SCARA5: variants seen among roughly 807,000 people sequenced by gnomAD.
The protein encoded by SCARA5 is scavenger receptor class A, member 5 (putative).
A neutral mutation model predicts 46.3 loss-of-function variants in SCARA5; 45 were observed. That is an observed-to-expected ratio of 0.97 (90% confidence interval 0.76 to 1.24). The LOEUF is 1.24. Ranked by LOEUF, SCARA5 falls within the 50% of genes most tolerant of loss-of-function variation. The pLI, the probability that SCARA5 is intolerant of heterozygous loss-of-function variation, is 0.00. For missense variants in SCARA5, 680 were observed against 689.0 expected (o/e 0.99, Z 0.15); for synonymous variants, 333 against 306.5 (o/e 1.09, Z -0.90).
intron 8 of SCARA5, among the ~76,000 whole-genome samples, chr8:27,878,145 G>T (rs1806754561): frequency 6.6e-6 from 1 of 152,178 alleles, no homozygotes; most frequent in Non-Finnish European, 1.5e-5. Flanking sequence ...GGTCACCAGG[G>T]GGCCTGGTAA....
chr8:27,959,616 T>C (rs1335587987), intron 3 of SCARA5, among the ~76,000 whole-genome samples: 1 of 152,220 alleles, frequency 6.6e-6, no homozygotes, highest in Non-Finnish European at 1.5e-5. Flanking sequence ...TGGGTTCACT[T>C]TCCTTGGTGT....
intron 7 of SCARA5, among the ~76,000 whole-genome samples, chr8:27,891,649 G>A (rs550101486): frequency 4.7e-4 from 72 of 152,214 alleles, no homozygotes; most frequent in Non-Finnish European, 8.8e-4. Flanking sequence ...CCTGTCCCCC[G>A]TGGGATGCAG....
In SCARA5 at chr8:27,966,538, T is replaced by C. The variant is rs1808372216; in HGVS notation, c.117A>G (p.Pro39=). ...LSKLNLCEDG[P]CHKRRASICC... The stretch of plus-strand genomic sequence containing the variant: ...AGATGCTTGCCCGCCGTTTGTGACA[T>C]GGACCTGGACAATAAGGGTAAGAGG... The change falls in exon 3 of 9, where the codon CCA becomes CCG. Residue 39 remains proline (P), a synonymous_variant. Transcript: ENST00000354914. The C allele has an allele frequency of 6.2e-7, 1 of 1,607,902 alleles. No individual in the cohort carries two copies. The highest frequency in any genetic ancestry group is 8.5e-7 in the Non-Finnish European group (1 of 1,178,362).
intron 2 of SCARA5, among the ~76,000 whole-genome samples, chr8:27,972,180 G>A (rs1808456272): frequency 6.6e-6 from 1 of 151,992 alleles, no homozygotes; most frequent in African/African-American, 2.4e-5. Flanking sequence ...AGCTGGGCAT[G>A]GCGGCAGGCA....
Position 27,901,870 on chromosome 8 carries a change from G to A in SCARA5, c.1153+2908C>T, listed in dbSNP as rs553841582. The stretch of plus-strand genomic sequence containing the variant: ...CCCATCCCAGGGTCAGGAAGTCAGC[G>A]GCTGGGGATTTTGTTCAGCCTCAGC... On this transcript the variant is annotated intron_variant, in intron 7 of 8. Transcript: ENST00000354914. Among the ~76,000 whole-genome samples, 9 of 152,308 alleles carry A rather than the reference G, an allele frequency of 5.9e-5. No homozygotes were observed. The East Asian group carries it at 7.7e-4, about 13-fold the overall frequency.
chr8:27,908,551 G>A (rs1469287698), intron 5 of SCARA5, among the ~76,000 whole-genome samples: 1 of 152,184 alleles, frequency 6.6e-6, no homozygotes, highest in Non-Finnish European at 1.5e-5. Flanking sequence ...TCCCAGTAAT[G>A]AATTACTCCT....
chr8:27,888,805 C>A (rs1262095180), intron 7 of SCARA5, among the ~76,000 whole-genome samples: 1 of 152,190 alleles, frequency 6.6e-6, no homozygotes, highest in Non-Finnish European at 1.5e-5. Flanking sequence ...AAGCCCAGAC[C>A]AGAGCATCCC....
chr8:27,933,801 TA>T (rs1807814249), intron 3 of SCARA5, among the ~76,000 whole-genome samples: 1 of 152,152 alleles, frequency 6.6e-6, no homozygotes. Context: ...ATGGGTAAAT[TA>T]AATGTGTCCC....
At chr8:27,964,328 G>A (rs181637262) in intron 3 of SCARA5, among the ~76,000 whole-genome samples, 9 of 152,204 alleles carry the variant, frequency 5.9e-5, no homozygotes, top group East Asian at 5.8e-4. Flanking sequence ...CACCAGCTCC[G>A]TCCCAATCCA....
intron 1 of SCARA5, among the ~76,000 whole-genome samples, chr8:27,991,203 G>A (rs559801276): frequency 6.6e-6 from 1 of 152,216 alleles, no homozygotes; most frequent in Non-Finnish European, 1.5e-5. Context: ...TCTAAGATGG[G>A]AAGGTGGGTA....
At chr8:27,913,093 C>T (rs1427299110) in intron 4 of SCARA5, among the ~76,000 whole-genome samples, 4 of 152,210 alleles carry the variant, frequency 2.6e-5, no homozygotes, top group East Asian at 1.9e-4. Context: ...GTATTCCAAG[C>T]GCACCTGAAA....
At chr8:27,986,753 A>T (rs1158365619) in intron 2 of SCARA5, among the ~76,000 whole-genome samples, 1 of 152,228 alleles carries the variant, frequency 6.6e-6, no homozygotes, top group Non-Finnish European at 1.5e-5. Flanking sequence ...GAGCAAAACA[A>T]GAGAGGAAAA....
intron 3 of SCARA5, among the ~76,000 whole-genome samples, chr8:27,958,550 C>T (rs992078787): frequency 3.9e-5 from 6 of 152,214 alleles, no homozygotes; most frequent in African/African-American, 1.4e-4. Context: ...GAACTGCACG[C>T]GTGGCAGCAG....
chr8:27,892,606 C>CTTTTTTTTTTTT (rs1230257718), intron 7 of SCARA5, among the ~76,000 whole-genome samples: 2 of 127,034 alleles, frequency 1.6e-5, no homozygotes, highest in Non-Finnish European at 1.6e-5. Flanking sequence ...ATACCTCACC[C>CTTTTTTTTTTTT]TTTTTTTTTT....
At chr8:27,991,449 T>A (rs1808784705) in intron 1 of SCARA5, among the ~76,000 whole-genome samples, 1 of 152,148 alleles carries the variant, frequency 6.6e-6, no homozygotes, top group African/African-American at 2.4e-5. Flanking sequence ...TAAAAGGCAA[T>A]CGCGAATGCA....
intron 1 of SCARA5, among the ~76,000 whole-genome samples, chr8:27,991,887 ACATGCACACACACACATGCACACACACG>A (rs1249144167): frequency 4.6e-5 from 7 of 151,856 alleles, no homozygotes; most frequent in African/African-American, 1.5e-4. Flanking sequence ...GCACACACAC[ACATGCACACACACACATGCACACACACG>A]AAGCCATGGA....
intron 2 of SCARA5, among the ~76,000 whole-genome samples, chr8:27,977,429 C>G (rs956469519): frequency 9.2e-5 from 14 of 152,184 alleles, no homozygotes; most frequent in Admixed American, 2.0e-4. Context: ...CACCGGACTC[C>G]CAGCGGATCA....
chr8:27,981,763 C>A (rs1052273214), intron 2 of SCARA5, among the ~76,000 whole-genome samples: 1 of 152,212 alleles, frequency 6.6e-6, no homozygotes, highest in African/African-American at 2.4e-5. Flanking sequence ...GCCACTGGCT[C>A]CCCCGGGGAC....
chr8:27,921,741 C>T lies in SCARA5; in HGVS notation c.746G>A (p.Arg249Gln), dbSNP rs1483956668. 2.5e-6 allele frequency: 4 copies of T among 1,588,158 alleles called. No homozygotes were observed. The highest frequency in any genetic ancestry group is 4.6e-5 in the East Asian group (2 of 43,720). Residue 249 changes from arginine (R) to glutamine (Q), a missense_variant, in exon 4 of 9, where the codon CGG (arginine) becomes CAG (glutamine). By Grantham distance (43) the Arg-to-Gln change is conservative (BLOSUM62 1). Coordinates refer to ENST00000354914, the MANE Select transcript of SCARA5 (RefSeq NM_173833.6). ...ALHRTRLQDL[R>Q]VLVSNASEDT... is the part of the protein sequence containing the mutation. ...CTCGCTGGCGTTGCTCACCAGCACC[C>T]GCAGGTCCTGCAGCCGCGTGCGGTG...
Sources: allele counts gnomAD v4.1 joint callset (sites outside exome capture counted in the v4.1 genomes callset), GRCh38; gene constraint gnomAD v4.1.1; transcripts MANE v1.5; gene names NCBI Gene and HGNC (gene_info 2026-07-23, HGNC 2026-07-21).